Variants in EPHB2 observed in about 807,000 individuals in gnomAD.
EPHB2 encodes EPH receptor B2.
Under a neutral mutation model 96.4 loss-of-function variants are expected in EPHB2, and 18 were observed. The observed-to-expected ratio is 0.19, with a 90% CI of 0.13 to 0.28. The LOEUF (loss-of-function observed/expected upper bound fraction) is 0.28, where lower values mean the gene tolerates loss of function less well. Ranked by LOEUF, EPHB2 falls within the 10% of genes least tolerant of loss-of-function variation. EPHB2 has a pLI of 1.00. For synonymous variants in EPHB2, 506 were observed against 534.1 expected, an observed-to-expected ratio of 0.95 and a Z score of 0.72; for missense variants, 989 against 1,355.4, an observed-to-expected ratio of 0.73 and a Z score of 4.25.
chr1:22,905,529 C>T (rs1639882211), intron 9 of EPHB2, among the ~76,000 whole-genome samples: 1 of 152,150 alleles, frequency 6.6e-6, no homozygotes, highest in South Asian at 2.1e-4. Context: ...TTAGCAGAAC[C>T]CCAAAGACAA....
chr1:22,758,164 C>T (rs1373128364), intron 1 of EPHB2, among the ~76,000 whole-genome samples: 10 of 146,966 alleles, frequency 6.8e-5, no homozygotes, highest in Non-Finnish European at 1.5e-4. Flanking sequence ...GTGATCCGCC[C>T]GCCTCGGCCT....
chr1:22,797,768 T>C (rs976666614), intron 3 of EPHB2, among the ~76,000 whole-genome samples: 3 of 152,112 alleles, frequency 2.0e-5, no homozygotes, highest in Non-Finnish European at 4.4e-5. Flanking sequence ...AGGCCCTTCA[T>C]CATCTTTCCC....
chr1:22,767,938 C>T (rs142354247), intron 1 of EPHB2, among the ~76,000 whole-genome samples: 10 of 152,234 alleles, frequency 6.6e-5, no homozygotes, highest in African/African-American at 1.7e-4. Context: ...CATCGACATG[C>T]GAGAAAATGT....
chr1:22,877,681 G>C (rs185623232), intron 5 of EPHB2, among the ~76,000 whole-genome samples: 6 of 152,320 alleles, frequency 3.9e-5, no homozygotes, highest in African/African-American at 1.4e-4. Context: ...AAGCAGCCGC[G>C]TGGCAGGTGG....
In EPHB2 at chr1:22,858,142, C is replaced by CA. The variant is rs1378235917; in HGVS notation, c.812-4895_812-4894insA. The stretch of plus-strand genomic sequence containing the variant: ...CCAGCGACGGGAAGAGCAGGGAAAG[C>CA]CTTCCGGGCAGAGGGAACAGCTTGG... On this transcript the variant is annotated intron_variant, in intron 3 of 15. Coordinates refer to ENST00000374630, the MANE Select transcript of EPHB2 (RefSeq NM_017449.5). This position sits in a 1 kb window ranked among gnomAD's most constrained non-coding sequence, Gnocchi z 7.7. Among the ~76,000 whole-genome samples, 16 of 152,192 alleles carry CA rather than the reference C, an allele frequency of 1.1e-4. No individual in the cohort carries two copies. The highest frequency in any genetic ancestry group is 3.9e-4 in the African/African-American group (16 of 41,526).
chr1:22,916,516 C>CCCACTA lies in EPHB2; in HGVS notation c.*2948_*2949insACTACC, dbSNP rs1553178882. 6.6e-6 allele frequency: 1 copy of CCCACTA among 151,096 alleles called. No homozygotes were observed. The highest frequency in any genetic ancestry group is 2.5e-5 in the African/African-American group (1 of 40,722). The allele number at this position is 151,096 out of a possible 1,614,324, so 9.4% of individuals were successfully genotyped here. ...CTTCCACCCCCACCCACCCACCCCACCCGCTACCGGGGCAGTCGCCCCGCC... is the reference window on the plus strand; with the variant it reads ...CTTCCACCCCCACCCACCCACCCCACCCACTACCGCTACCGGGGCAGTCGCCCCGCC... On this transcript the variant is annotated 3_prime_UTR_variant, in exon 16 of 16. Coordinates refer to ENST00000374630, the MANE Select transcript of EPHB2 (RefSeq NM_017449.5). This position sits in a 1 kb window ranked among gnomAD's most constrained non-coding sequence, Gnocchi z 4.2.
chr1:22,742,447 A>G (rs539652532), intron 1 of EPHB2, among the ~76,000 whole-genome samples: 1 of 152,270 alleles, frequency 6.6e-6, no homozygotes, highest in Non-Finnish European at 1.5e-5. Context: ...AATGGGGTGA[A>G]TCGACTAACT....
intron 1 of EPHB2, among the ~76,000 whole-genome samples, chr1:22,759,666 C>G (rs565454095): frequency 6.6e-6 from 1 of 152,190 alleles, no homozygotes; most frequent in Non-Finnish European, 1.5e-5. Flanking sequence ...GCCCAGCCAC[C>G]TCCCTCACCA....
intron 3 of EPHB2, among the ~76,000 whole-genome samples, chr1:22,835,250 T>C (rs1370749033): frequency 1.3e-5 from 2 of 151,958 alleles, no homozygotes; most frequent in Admixed American, 6.6e-5. Context: ...CATGGTGGCA[T>C]GTGCCTGTAG....
intron 1 of EPHB2, among the ~76,000 whole-genome samples, chr1:22,773,917 C>G (rs561691710): frequency 5.0e-4 from 76 of 152,364 alleles, no homozygotes; most frequent in Non-Finnish European, 7.9e-4. Context: ...CCTCTCCAAA[C>G]TTTGATTTCT....
At chr1:22,815,797 G>A (rs375777774) in intron 3 of EPHB2, among the ~76,000 whole-genome samples, 10 of 152,192 alleles carry the variant, frequency 6.6e-5, no homozygotes, top group African/African-American at 1.9e-4. Flanking sequence ...CGGAGGCAGT[G>A]TGGGGGTCTG....
intron 6 of EPHB2, chr1:22,891,130 T>G (rs1557738614): frequency 2.2e-6 from 1 of 456,048 alleles, no homozygotes; most frequent in Non-Finnish European, 4.4e-6. Flanking sequence ...CTTTTACAGA[T>G]GAAGACACAG....
chr1:22,895,545 C>T lies in EPHB2; in HGVS notation c.1665C>T (p.Leu555=), dbSNP rs750334975. ...CCTCGGCCGCTGGCCTGGTCTTCCT[C>T]ATTGCTGTGGTTGTCATCGCCATCG... ...IGSSAAGLVF[L]IAVVVIAIVC... is the part of the protein sequence containing the mutation. Residue 555 remains leucine (L), a synonymous_variant, in exon 8 of 16, where the codon CTC becomes CTT. Coordinates refer to ENST00000374630, the MANE Select transcript of EPHB2 (RefSeq NM_017449.5). 6.2e-7 allele frequency: 1 copy of T among 1,614,252 alleles called. No homozygotes were observed. The highest frequency in any genetic ancestry group is 8.5e-7 in the Non-Finnish European group (1 of 1,180,042).
intron 3 of EPHB2, among the ~76,000 whole-genome samples, chr1:22,828,531 G>A (rs150729341): frequency 1.6e-3 from 241 of 152,244 alleles, no homozygotes; most frequent in African/African-American, 5.2e-3. Flanking sequence ...ACCTTTCGGA[G>A]AGAACTGTGA....
chr1:22,894,395 C>T (rs1639487580), intron 7 of EPHB2, among the ~76,000 whole-genome samples: 2 of 152,018 alleles, frequency 1.3e-5, no homozygotes, highest in African/African-American at 4.8e-5. Context: ...GTCAGGAGTT[C>T]GAGACCAGCC....
chr1:22,814,329 C>T (rs933252238), intron 3 of EPHB2, among the ~76,000 whole-genome samples: 2 of 152,170 alleles, frequency 1.3e-5, no homozygotes, highest in Non-Finnish European at 2.9e-5. Flanking sequence ...TGAGAAACAA[C>T]GAAGAGGCCA....
chr1:22,819,764 C>T (rs573146241), intron 3 of EPHB2, among the ~76,000 whole-genome samples: 4 of 152,140 alleles, frequency 2.6e-5, no homozygotes, highest in South Asian at 4.2e-4. Context: ...TGGGTACCTC[C>T]AGTGAGGAAG....
intron 3 of EPHB2, among the ~76,000 whole-genome samples, chr1:22,856,788 C>A (rs1039163357): frequency 1.3e-5 from 2 of 152,148 alleles, no homozygotes; most frequent in Non-Finnish European, 2.9e-5. Flanking sequence ...ACTGGGCCTG[C>A]CACCTGGAAA....
chr1:22,779,125 C>T (rs74060683), intron 1 of EPHB2, among the ~76,000 whole-genome samples: 2,136 of 152,282 alleles, frequency 0.014, 55 homozygotes, highest in African/African-American at 0.048. Flanking sequence ...TGGCTGAGGC[C>T]GATGAGAGAA....
Sources: gnomAD v4.1 joint callset for allele counts (sites outside exome capture counted in the v4.1 genomes callset) on GRCh38, gnomAD v4.1.1 for gene constraint, Gnocchi (gnomAD v3.1) non-coding constraint, MANE v1.5 for transcripts, NCBI Gene and HGNC (gene_info 2026-07-23, HGNC 2026-07-21) for gene names.